Variants in ERICH1 observed in about 807,000 individuals in gnomAD.
ERICH1 encodes glutamate rich 1, also known as glutamate-rich protein 1.
Under a neutral mutation model 39.6 loss-of-function variants are expected in ERICH1, and 56 were observed. That is an observed-to-expected ratio of 1.41 (90% CI 1.14 to 1.77). The LOEUF (loss-of-function observed/expected upper bound fraction) is 1.77, where lower values mean the gene tolerates loss of function less well. Ranked by LOEUF, ERICH1 falls within the 40% of genes most tolerant of loss-of-function variation. The probability of loss-of-function intolerance (pLI) is 0.00; values close to 1 mark genes in which losing one functional copy is unlikely to be tolerated. For missense variants in ERICH1, 826 were observed against 575.4 expected (o/e 1.44, Z -4.45); for synonymous variants, 313 against 223.6 (o/e 1.40, Z -3.57).
chr8:719,492 G>A lies in ERICH1; in HGVS notation c.23-3485C>T, dbSNP rs114626182. ...TCTCAGCTGACGCCCGCGGTCGCCCGCAGGTGCTGTGAGGTCTGCTGGGTT... is the reference window on the plus strand; with the variant it reads ...TCTCAGCTGACGCCCGCGGTCGCCCACAGGTGCTGTGAGGTCTGCTGGGTT... On this transcript the variant is annotated intron_variant, in intron 1 of 5. Transcript: ENST00000262109. Among the ~76,000 whole-genome samples, 369 of 152,324 alleles carry A rather than the reference G, an allele frequency of 2.4e-3. 5 individuals are homozygous for A. Among genetic ancestry groups the A allele is most frequent in the African/African-American group, 8.6e-3 (357 of 41,574 alleles).
intron 2 of ERICH1, among the ~76,000 whole-genome samples, chr8:710,451 G>C (rs895810855): frequency 6.7e-6 from 1 of 149,310 alleles, no homozygotes; most frequent in Non-Finnish European, 1.5e-5. Flanking sequence ...TCACTGTCCT[G>C]CAAGTCCTCT....
At chr8:730,353 C>G (rs764489090) in intron 1 of ERICH1, among the ~76,000 whole-genome samples, 1 of 152,110 alleles carries the variant, frequency 6.6e-6, no homozygotes, top group Non-Finnish European at 1.5e-5. Context: ...TTGCCATTAT[C>G]TTTTCATTTC....
intron 2 of ERICH1, among the ~76,000 whole-genome samples, chr8:700,714 G>C: frequency 1.4e-5 from 1 of 71,050 alleles, no homozygotes; most frequent in East Asian, 2.5e-4. Context: ...GTGCTCAGCG[G>C]TGGGAGGTCC....
At chr8:622,941 G>T (rs748098446) in intron 3 of ERICH1, among the ~76,000 whole-genome samples, 1 of 120,372 alleles carries the variant, frequency 8.3e-6, no homozygotes, top group Non-Finnish European at 1.7e-5. Context: ...CTGGGCAACA[G>T]AGGAGATCCG....
At chr8:700,976 G>A (rs1811979286) in intron 2 of ERICH1, among the ~76,000 whole-genome samples, 2 of 152,278 alleles carry the variant, frequency 1.3e-5, no homozygotes, top group South Asian at 4.1e-4. Flanking sequence ...CAGCCGAGAG[G>A]AAGTGCAGGT....
intron 1 of ERICH1, among the ~76,000 whole-genome samples, chr8:718,776 C>T (rs915677232): frequency 1.7e-4 from 26 of 152,194 alleles, no homozygotes; most frequent in African/African-American, 5.8e-4. Flanking sequence ...GACCACAGAA[C>T]CCCAAGGCCT....
Position 713,061 on chromosome 8 carries a change from T to G in ERICH1, c.169+2800A>C, listed in dbSNP as rs531028075. On this transcript the variant is annotated intron_variant, in intron 2 of 5. Transcript: ENST00000262109. ...TCTCAGCAGGGCTGGCTTTGGACCTTGGCTTGCAGACGCCGTTCTCTCTCA... is the reference window on the plus strand; with the variant it reads ...TCTCAGCAGGGCTGGCTTTGGACCTGGGCTTGCAGACGCCGTTCTCTCTCA... Among the ~76,000 whole-genome samples the G allele has an allele frequency of 2.0e-5, 3 of 152,358 alleles. No homozygotes were observed. In the East Asian group the frequency reaches 5.8e-4, roughly 29 times the overall value.
intron 3 of ERICH1, among the ~76,000 whole-genome samples, chr8:630,529 C>A: frequency 8.5e-6 from 1 of 118,106 alleles, no homozygotes; most frequent in East Asian, 2.7e-4. Flanking sequence ...CTCACACCCT[C>A]CCGTGAGCAC....
intron 2 of ERICH1, among the ~76,000 whole-genome samples, chr8:707,363 A>C (rs1348497763): frequency 6.6e-6 from 1 of 151,922 alleles, no homozygotes; most frequent in Admixed American, 6.6e-5. Flanking sequence ...ACCTGCCACC[A>C]TGCCTGAATA....
chr8:708,395 C>A (rs1392593005), intron 2 of ERICH1, among the ~76,000 whole-genome samples: 1 of 152,116 alleles, frequency 6.6e-6, no homozygotes, highest in African/African-American at 2.4e-5. Context: ...GAGAAACAAC[C>A]AAACATTCAT....
At chr8:630,917 T>G (rs2117112281) in intron 3 of ERICH1, among the ~76,000 whole-genome samples, 1 of 143,132 alleles carries the variant, frequency 7.0e-6, no homozygotes, top group South Asian at 2.3e-4. Flanking sequence ...CACCCTCCCG[T>G]GACCACCCAC....
At chr8:697,839 T>C (rs968647705) in intron 2 of ERICH1, among the ~76,000 whole-genome samples, 1 of 152,212 alleles carries the variant, frequency 6.6e-6, no homozygotes, top group East Asian at 1.9e-4. Context: ...GAGTGCGTGA[T>C]AGGTGTGGGG....
chr8:703,166 G>A (rs1367767501), intron 2 of ERICH1, among the ~76,000 whole-genome samples: 1 of 152,200 alleles, frequency 6.6e-6, no homozygotes, highest in African/African-American at 2.4e-5. Flanking sequence ...GGGAAATGCA[G>A]TTCAGCACAG....
intron 3 of ERICH1, among the ~76,000 whole-genome samples, chr8:621,455 C>T (rs1797275621): frequency 6.6e-6 from 1 of 151,592 alleles, no homozygotes; most frequent in African/African-American, 2.4e-5. Flanking sequence ...TCAAACATCA[C>T]ACAGTAAATA....
At chr8:697,957 C>A (rs1810738704) in intron 2 of ERICH1, among the ~76,000 whole-genome samples, 1 of 152,040 alleles carries the variant, frequency 6.6e-6, no homozygotes, top group Admixed American at 6.5e-5. Context: ...CTGCAAGGGA[C>A]ACAAATCCCT....
rs1800808407 is a variant in ERICH1 at position 657,520 on chromosome 8, T to C, written c.976+11078A>G. Among the ~76,000 whole-genome samples the C allele has an allele frequency of 2.0e-5, 3 of 151,630 alleles. 1 individual carries two copies. The highest frequency in any genetic ancestry group is 4.2e-4 in the South Asian group (2 of 4,724). On this transcript the variant is annotated intron_variant, in intron 3 of 3. Coordinates refer to the ERICH1 transcript ENST00000522706. ...AATCAAGTAGAACTCACAGGGGCGA[T>C]GCTTGTCTAAGATGATGATGCTCCT...
At chr8:723,860 G>A (rs1817930984) in intron 1 of ERICH1, among the ~76,000 whole-genome samples, 1 of 151,984 alleles carries the variant, frequency 6.6e-6, no homozygotes, top group Non-Finnish European at 1.5e-5. Flanking sequence ...AAGGTATTTA[G>A]CCTTTGACTA....
intron 3 of ERICH1, among the ~76,000 whole-genome samples, chr8:635,716 G>A (rs1798385028): frequency 6.6e-6 from 1 of 152,204 alleles, no homozygotes. Context: ...TCTAGCAACG[G>A]GGTGTGAGCA....
chr8:711,954 T>C (rs899969893), intron 2 of ERICH1, among the ~76,000 whole-genome samples: 1 of 152,194 alleles, frequency 6.6e-6, no homozygotes, highest in Non-Finnish European at 1.5e-5. Flanking sequence ...GTCAGTGGTA[T>C]TTATGTGGGT....
Sources: gnomAD v4.1 joint callset for allele counts (sites outside exome capture counted in the v4.1 genomes callset) on GRCh38, gnomAD v4.1.1 for gene constraint, MANE v1.5 for transcripts, NCBI Gene and HGNC (gene_info 2026-07-23, HGNC 2026-07-21) for gene names.